Variants in CGAS observed in about 807,000 individuals in gnomAD.
The protein encoded by CGAS is 2'3'-cGAMP synthase.
A neutral mutation model predicts 34.0 loss-of-function variants in CGAS; 31 were observed. The observed-to-expected ratio is 0.91, with a 90% CI of 0.69 to 1.23. The LOEUF (loss-of-function observed/expected upper bound fraction) is 1.23. Among genes scored for constraint, CGAS ranks in the 50% most tolerant of loss-of-function variants. The pLI is 0.00. For missense variants in CGAS, 597 were observed against 657.6 expected, an observed-to-expected ratio of 0.91 and a Z score of 1.01; for synonymous variants, 266 against 260.0, an observed-to-expected ratio of 1.02 and a Z score of -0.22.
At chr6:73,426,128 C>T (rs1023449715) in intron 4 of CGAS, among the ~76,000 whole-genome samples, 3 of 150,882 alleles carry the variant, frequency 2.0e-5, no homozygotes, top group Non-Finnish European at 4.4e-5. Flanking sequence ...ACTAAAAATA[C>T]AAAAATTAGC....
At chr6:73,431,154 C>T (rs1437886882) in intron 3 of CGAS, among the ~76,000 whole-genome samples, 1 of 151,556 alleles carries the variant, frequency 6.6e-6, no homozygotes, top group African/African-American at 2.4e-5. Context: ...CCAACAGTTA[C>T]CTTCTAGATC....
At chr6:73,447,138 C>A (rs1318356747) in intron 1 of CGAS, among the ~76,000 whole-genome samples, 2 of 152,188 alleles carry the variant, frequency 1.3e-5, no homozygotes, top group Non-Finnish European at 2.9e-5. Context: ...TGCATTAAAT[C>A]TAGAACAATT....
intron 3 of CGAS, among the ~76,000 whole-genome samples, chr6:73,439,368 C>G (rs1287982644): frequency 1.3e-5 from 2 of 151,612 alleles, no homozygotes; most frequent in Non-Finnish European, 2.9e-5. Context: ...GTAGTCCCAG[C>G]TACTCGGGAG....
At chr6:73,445,782 C>A in intron 1 of CGAS, 35 bp from the exon 2 acceptor site, 1 of 1,449,154 alleles carries the variant, frequency 6.9e-7, no homozygotes, top group Non-Finnish European at 9.4e-7. Context: ...GAAATATTTG[C>A]TTATGAATAT....
chr6:73,428,172 C>T (rs913054768), intron 4 of CGAS, among the ~76,000 whole-genome samples: 6 of 150,710 alleles, frequency 4.0e-5, no homozygotes, highest in African/African-American at 7.3e-5. Context: ...TGTGGTGAGC[C>T]GTAATTGTGC....
At chr6:73,444,372 G>A (rs1197478925) in intron 2 of CGAS, among the ~76,000 whole-genome samples, 2 of 151,312 alleles carry the variant, frequency 1.3e-5, no homozygotes, top group Admixed American at 6.6e-5. Flanking sequence ...GCAATGCCCC[G>A]ATCTCGGCTT....
At chr6:73,451,038 G>A (rs1178942070) in intron 1 of CGAS, among the ~76,000 whole-genome samples, 1 of 151,740 alleles carries the variant, frequency 6.6e-6, no homozygotes, top group African/African-American at 2.4e-5. Flanking sequence ...AAAGAAATTG[G>A]GGTCAGACGG....
intron 2 of CGAS, among the ~76,000 whole-genome samples, chr6:73,442,142 G>A (rs1770389648): frequency 6.6e-6 from 1 of 152,086 alleles, no homozygotes; most frequent in African/African-American, 2.4e-5. Context: ...CAAAGTGCTA[G>A]GGTTACAAGT....
chr6:73,431,319 C>T (rs111387202), intron 3 of CGAS, among the ~76,000 whole-genome samples: 4,334 of 151,086 alleles, frequency 0.029, 109 homozygotes, highest in Non-Finnish European at 0.045. Flanking sequence ...AAAATACAAA[C>T]ATTTAGCCGG....
intron 4 of CGAS, 87 bp downstream of exon 4, chr6:73,428,622 C>G (rs902609557): frequency 1.6e-6 from 2 of 1,261,270 alleles, no homozygotes; most frequent in African/African-American, 3.0e-5. Flanking sequence ...CCCAACCCAG[C>G]TCAGCTCTTC....
At chr6:73,449,476 A>AACACACACACACAC (rs144519687) in intron 1 of CGAS, among the ~76,000 whole-genome samples, 3,591 of 142,844 alleles carry the variant, frequency 0.025, 74 homozygotes, top group East Asian at 0.038. Context: ...CTCTGTCTCA[A>AACACACACACACAC]ACACACACAC....
chr6:73,426,325 GAAAT>G (rs1348194668), intron 4 of CGAS, among the ~76,000 whole-genome samples: 1 of 131,764 alleles, frequency 7.6e-6, no homozygotes. Flanking sequence ...AAAATAAAAT[GAAAT>G]AAATGAAATG....
intron 3 of CGAS, among the ~76,000 whole-genome samples, chr6:73,431,238 A>C (rs557739223): frequency 6.6e-6 from 1 of 152,310 alleles, no homozygotes; most frequent in Non-Finnish European, 1.5e-5. Flanking sequence ...TGGGAGGCTG[A>C]GGCGGTGGAT....
rs1770057089 is a variant in CGAS, at chr6:73,424,772, C to T, written c.*455G>A. 1 of 152,174 alleles carries T rather than the reference C, an allele frequency of 6.6e-6. No homozygotes were observed. Among genetic ancestry groups the T allele is most frequent in the Non-Finnish European group, 1.5e-5 (1 of 68,060 alleles). The allele number at this position is 152,174 out of a possible 1,614,324, so 9.4% of individuals were successfully genotyped here. On this transcript the variant is annotated 3_prime_UTR_variant, in exon 5 of 5. Transcript: ENST00000370315. ...TTGCTGTGACAAATTTCAAACATTC[C>T]AATTATTACAGTCACTAATTTTTGT... is the stretch of plus-strand genomic sequence containing the variant.
At chr6:73,444,911 TG>T (rs1770444235) in intron 2 of CGAS, among the ~76,000 whole-genome samples, 1 of 152,086 alleles carries the variant, frequency 6.6e-6, no homozygotes. Flanking sequence ...GGTTTCTGGA[TG>T]GTGCGTCTGG....
intron 2 of CGAS, among the ~76,000 whole-genome samples, chr6:73,443,235 CTTTTTT>C (rs35135687): frequency 4.8e-5 from 5 of 104,222 alleles, no homozygotes; most frequent in South Asian, 6.5e-4. Flanking sequence ...TTCCCAAACT[CTTTTTT>C]TTTTTTTTTT....
In CGAS at chr6:73,451,651, A is replaced by C; in HGVS notation, c.531T>G (p.Asp177Glu). ...AVLEKLKLSRDDISTAAGMVK... is the reference protein window; with the variant it reads ...AVLEKLKLSREDISTAAGMVK... ...CCATCCCCGCCGCCGTGGAGATATC[A>C]TCGCGGCTGAGCTTCAACTTCTCCA... Residue 177 changes from aspartate (D) to glutamate (E), a missense_variant, in exon 1 of 5, where the codon GAT (aspartate) becomes GAG (glutamate). Physicochemically the swap from Asp to Glu is conservative, Grantham distance 45. This residue lies in a region of CGAS where 321 missense variants were observed against 314.3 expected (regional missense o/e 1.02). Transcript: ENST00000370315. The C allele has an allele frequency of 3.7e-6, 6 of 1,614,120 alleles. No homozygotes were observed. Among genetic ancestry groups the C allele is most frequent in the Non-Finnish European group, 5.1e-6 (6 of 1,180,020 alleles).
chr6:73,439,013 A>G (rs752119498), intron 3 of CGAS, among the ~76,000 whole-genome samples: 4 of 152,204 alleles, frequency 2.6e-5, no homozygotes, highest in Admixed American at 6.5e-5. Context: ...TCCTCTATGT[A>G]TGCAATATAT....
At chr6:73,445,811 T>G in intron 1 of CGAS, 64 bp from the exon 2 acceptor site, 1 of 1,272,636 alleles carries the variant, frequency 7.9e-7, no homozygotes, top group East Asian at 2.4e-5. Context: ...TGACTGGAAC[T>G]TTTTAAAAAA....
Sources: gnomAD v4.1 joint callset for allele counts (sites outside exome capture counted in the v4.1 genomes callset) on GRCh38, gnomAD v4.1.1 for gene constraint, gnomAD v4.1.1 regional missense constraint, MANE v1.5 for transcripts, NCBI Gene and HGNC (gene_info 2026-07-23, HGNC 2026-07-21) for gene names.